The following VPS39 variants were observed in gnomAD, a reference collection of about 807,000 sequenced individuals.
VPS39 encodes the protein VPS39 subunit of HOPS complex, also known as vam6/Vps39-like protein.
VPS39 carries 70 observed loss-of-function variants against 121.0 expected under a neutral mutation model. The ratio of observed to expected loss-of-function variants is 0.58; its 90% CI spans 0.48 to 0.71. The LOEUF (loss-of-function observed/expected upper bound fraction) is 0.71, where lower values mean the gene tolerates loss of function less well. Among genes scored for constraint, VPS39 ranks in the 30% least tolerant of loss-of-function variants. The pLI, the probability that VPS39 is intolerant of heterozygous loss-of-function variation, is 0.00. For missense variants in VPS39, 818 were observed against 1,051.5 expected (o/e 0.78, Z 3.07); for synonymous variants, 378 against 398.1 (o/e 0.95, Z 0.60).
intron 10 of VPS39, among the ~76,000 whole-genome samples, chr15:42,176,796 G>GA (rs2049461005): frequency 6.6e-6 from 1 of 152,092 alleles, no homozygotes; most frequent in South Asian, 2.1e-4. Flanking sequence ...TTTCCTTTTA[G>GA]AAATAGTTTA....
chr15:42,199,590 G>A (rs1197950547), intron 2 of VPS39: 3 of 469,762 alleles, frequency 6.4e-6, no homozygotes, highest in East Asian at 7.2e-5. Flanking sequence ...TCTTATTATT[G>A]GTAGTGAGTC....
Position 42,166,652 on chromosome 15 carries a change from G to A in VPS39, c.1520-3C>T, listed in dbSNP as rs1264511531. On this transcript the variant is annotated splice_region_variant and splice_polypyrimidine_tract_variant and intron_variant, in intron 14 of 24. Coordinates refer to ENST00000318006, the MANE Select transcript of VPS39 (RefSeq NM_015289.5). ...CTGGTCCACGAGCACCTGCAGAGCT[G>A]GCCACCAAGCCCAAGAACAAGGTCA... 6.2e-7 allele frequency: 1 copy of A among 1,614,032 alleles called. No individual in the cohort carries two copies. Among genetic ancestry groups the A allele is most frequent in the African/African-American group, 1.3e-5 (1 of 74,934 alleles).
intron 1 of VPS39, 52 bp from the exon 2 acceptor site, chr15:42,200,013 G>C: frequency 6.6e-7 from 1 of 1,525,008 alleles, no homozygotes; most frequent in South Asian, 1.3e-5. Flanking sequence ...CCAGCTTTGA[G>C]AAAGGTCAAT....
chr15:42,202,470 CATG>C (rs1391387475), intron 1 of VPS39, among the ~76,000 whole-genome samples: 1 of 152,096 alleles, frequency 6.6e-6, no homozygotes, highest in African/African-American at 2.4e-5. Context: ...TTATAGATAT[CATG>C]ATATCAAGCA....
At chr15:42,208,003 T>C in intron 1 of VPS39, 78 bp downstream of exon 1, 1 of 1,484,164 alleles carries the variant, frequency 6.7e-7, no homozygotes, top group Non-Finnish European at 9.2e-7. Flanking sequence ...TGGACGCCTG[T>C]CCACTTCCCC....
intron 1 of VPS39, 131 bp from the exon 2 acceptor site, chr15:42,200,092 G>A: frequency 1.2e-6 from 1 of 865,244 alleles, no homozygotes. Flanking sequence ...AAGAAAATGA[G>A]TTGCTTTTGA....
intron 2 of VPS39, chr15:42,199,430 C>A (rs752290235): frequency 9.3e-5 from 27 of 289,246 alleles, no homozygotes; most frequent in Non-Finnish European, 1.4e-5. Context: ...GTCACGCAGC[C>A]AGGGGGAAGT....
chr15:42,193,353 A>C (rs2049869429), intron 2 of VPS39, among the ~76,000 whole-genome samples: 1 of 152,212 alleles, frequency 6.6e-6, no homozygotes, highest in Non-Finnish European at 1.5e-5. Flanking sequence ...AGTATATGAC[A>C]AAAAATCTGT....
At chr15:42,177,162 TAAAAAAAAAAAA>T (rs369967285) in intron 10 of VPS39, among the ~76,000 whole-genome samples, 8 of 56,414 alleles carry the variant, frequency 1.4e-4, no homozygotes, top group African/African-American at 4.4e-4. Context: ...GACCCTGTTT[TAAAAAAAAAAAA>T]AAAAAAAAAA....
chr15:42,195,661 G>A (rs1359364785), intron 2 of VPS39, among the ~76,000 whole-genome samples: 2 of 152,112 alleles, frequency 1.3e-5, no homozygotes, highest in East Asian at 1.9e-4. Flanking sequence ...ACTGCTCAAC[G>A]AAATAAAAGA....
chr15:42,187,635 C>A, intron 6 of VPS39, 123 bp downstream of exon 6: 1 of 876,508 alleles, frequency 1.1e-6, no homozygotes, highest in South Asian at 1.5e-5. Context: ...AACAAGCTCT[C>A]ATGCACTTCA....
Position 42,163,417 on chromosome 15 carries a change from G to A in VPS39, c.2130-22C>T, listed in dbSNP as rs767588036. On this transcript the variant is annotated intron_variant, in intron 20 of 24. Coordinates refer to ENST00000318006, the MANE Select transcript of VPS39 (RefSeq NM_015289.5). ...GTACCTGCAAGGGAGAGAGTGGTGA[G>A]AGCAGGTGGTGTGAGGGGGGCACAT... The A allele has an allele frequency of 7.4e-6, 12 of 1,614,016 alleles. No homozygotes were observed. The Admixed American group carries it at 2.0e-4, about 27-fold the overall frequency.
At position 42,208,297 on chromosome 15, in the gene VPS39, T is replaced by C; in HGVS notation, c.-144A>G. On this transcript the variant is annotated 5_prime_UTR_variant, in exon 1 of 25. Coordinates refer to ENST00000318006, the MANE Select transcript of VPS39 (RefSeq NM_015289.5). ...AGGCCCTTCAACAACACAGCCATCGTCAACCCCGGACTTCCTGCTAGTTAG... is the reference window on the plus strand; with the variant it reads ...AGGCCCTTCAACAACACAGCCATCGCCAACCCCGGACTTCCTGCTAGTTAG... The C allele has an allele frequency of 9.3e-7, 1 of 1,072,888 alleles. No individual in the cohort carries two copies. Among genetic ancestry groups the C allele is most frequent in the Non-Finnish European group, 1.3e-6 (1 of 758,442 alleles). 66.5% of individuals were successfully genotyped at this position (1,072,888 alleles called of 1,614,324 possible). A position where few individuals can be genotyped will look rare whatever the true frequency, so the allele number is the denominator to read the frequency against.
chr15:42,187,915 A>T lies in VPS39; in HGVS notation c.343-59T>A, dbSNP rs538890382. ...AATGACTCTCTCTAACTGAGTGATA[A>T]CTAAATTAGAGATTGTCTACCTTGA... is the stretch of plus-strand genomic sequence containing the variant. On this transcript the variant is annotated intron_variant, in intron 5 of 24. Coordinates refer to ENST00000318006, the MANE Select transcript of VPS39 (RefSeq NM_015289.5). The T allele has an allele frequency of 2.0e-6, 3 of 1,490,708 alleles. No individual in the cohort carries two copies. The African/African-American group carries it at 4.2e-5, about 21-fold the overall frequency. 92.3% of individuals were successfully genotyped at this position (1,490,708 alleles called of 1,614,324 possible). A position where few individuals can be genotyped will look rare whatever the true frequency, so the allele number is the denominator to read the frequency against.
At position 42,194,091 on chromosome 15, in the gene VPS39, G is replaced by A. The variant is rs536065313; in HGVS notation, c.140-2531C>T. Among the ~76,000 whole-genome samples the A allele has an allele frequency of 5.3e-5, 8 of 152,170 alleles. 1 individual carries two copies. The South Asian group carries it at 1.7e-3, about 32-fold the overall frequency. On this transcript the variant is annotated intron_variant, in intron 2 of 24. Transcript: ENST00000318006. ...TTACTAAAAAGATGTGTTGCCAAAA[G>A]TCAAAATACAATAAAAATAACTTGT...
At position 42,184,595 on chromosome 15, in the gene VPS39, G is replaced by C; in HGVS notation, c.640C>G (p.Leu214Val). 1.2e-6 allele frequency: 2 copies of C among 1,614,138 alleles called. No individual in the cohort carries two copies. The highest frequency in any genetic ancestry group is 1.7e-6 in the Non-Finnish European group (2 of 1,180,012). ...DGKVAVGQDDLTVVLNEEGIC... is the reference protein window; with the variant it reads ...DGKVAVGQDDVTVVLNEEGIC... The stretch of plus-strand genomic sequence containing the variant: ...CCTTCCTCATTGAGTACCACGGTGA[G>C]ATCATCCTGGCCCACAGCCACTTTT... The change falls in exon 8 of 25, where the codon CTC becomes GTC. Residue 214 changes from leucine to valine, a missense_variant. Coordinates refer to ENST00000318006, the MANE Select transcript of VPS39 (RefSeq NM_015289.5).
intron 1 of VPS39, 108 bp downstream of exon 1, chr15:42,207,973 C>A: frequency 2.5e-6 from 3 of 1,221,510 alleles, no homozygotes; most frequent in South Asian, 2.8e-5. Flanking sequence ...CGTGTAGCAT[C>A]CAACCGAAGC....
rs370587144 is a variant in VPS39, at chr15:42,178,469, G to C, written c.820C>G (p.Arg274Gly). ...LVQSIELQRPRFITSGGSNII... is the reference protein window; with the variant it reads ...LVQSIELQRPGFITSGGSNII... ...CCTTACCCTCCTGAGGTAATGAAACGGGGCCTTTGCAATTCAATGCTTTGG... is the reference window on the plus strand; with the variant it reads ...CCTTACCCTCCTGAGGTAATGAAACCGGGCCTTTGCAATTCAATGCTTTGG... Residue 274 changes from arginine (R) to glycine (G), a missense_variant, in exon 9 of 25, where the codon CGT becomes GGT. Coordinates refer to ENST00000318006, the MANE Select transcript of VPS39 (RefSeq NM_015289.5). The C allele has an allele frequency of 1.2e-6, 2 of 1,614,136 alleles. No homozygotes were observed. Among genetic ancestry groups the C allele is most frequent in the Non-Finnish European group, 1.7e-6 (2 of 1,180,024 alleles).
Position 42,163,607 on chromosome 15 carries a change from G to A in VPS39, c.2129+19C>T. On this transcript the variant is annotated intron_variant, in intron 20 of 24. Coordinates refer to ENST00000318006, the MANE Select transcript of VPS39 (RefSeq NM_015289.5). Reference sequence around the variant, plus strand: ...TGCTTTTAGACTGCTTAGGAGGTGGGATGTTGGGGCAAACTTACTCCTCAG... The same window carrying A: ...TGCTTTTAGACTGCTTAGGAGGTGGAATGTTGGGGCAAACTTACTCCTCAG... 6.2e-7 allele frequency: 1 copy of A among 1,605,032 alleles called. No individual in the cohort carries two copies. The highest frequency in any genetic ancestry group is 2.2e-5 in the East Asian group (1 of 44,826).
Sources: allele counts gnomAD v4.1 joint callset (sites outside exome capture counted in the v4.1 genomes callset), GRCh38; gene constraint gnomAD v4.1.1; transcripts MANE v1.5; gene names NCBI Gene and HGNC (gene_info 2026-07-23, HGNC 2026-07-21).